BTRC: variants seen among roughly 807,000 people sequenced by gnomAD.
BTRC encodes the protein beta-transducin repeat containing E3 ubiquitin protein ligase, also known as F-box/WD repeat-containing protein 1A.
In BTRC, 42 loss-of-function variants were observed where a neutral mutation model predicts 85.5. The ratio of observed to expected loss-of-function variants is 0.49; its 90% CI spans 0.38 to 0.64. The LOEUF (loss-of-function observed/expected upper bound fraction) is 0.64. Ranked by LOEUF, BTRC falls within the 30% of genes least tolerant of loss-of-function variation. BTRC has a pLI of 0.00. For missense variants in BTRC, 594 were observed against 743.5 expected, an observed-to-expected ratio of 0.80 and a Z score of 2.34; for synonymous variants, 255 against 263.3, an observed-to-expected ratio of 0.97 and a Z score of 0.30.
At chr10:101,532,514 A>T (rs2062300478) in intron 8 of BTRC, 82 bp downstream of exon 8, 2 of 1,424,522 alleles carry the variant, frequency 1.4e-6, no homozygotes. Flanking sequence ...CATAAACTCT[A>T]AGCATTATTT....
At chr10:101,478,481 A>AT (rs776643514) in intron 3 of BTRC, among the ~76,000 whole-genome samples, 9 of 151,100 alleles carry the variant, frequency 6.0e-5, no homozygotes, top group Non-Finnish European at 1.2e-4. Context: ...AAATTTTTTC[A>AT]TTTATTGTTC....
intron 1 of BTRC, among the ~76,000 whole-genome samples, chr10:101,378,777 G>A (rs1237097764): frequency 3.6e-5 from 5 of 138,090 alleles, no homozygotes; most frequent in South Asian, 2.2e-4. Context: ...CGCCCACTTC[G>A]GCCTCCCAAA....
chr10:101,532,465 A>C, intron 8 of BTRC, 33 bp downstream of exon 8: 1 of 1,569,184 alleles, frequency 6.4e-7, no homozygotes, highest in Non-Finnish European at 8.6e-7. Flanking sequence ...AAGGTAGCAG[A>C]GGGAGCAAGA....
chr10:101,410,340 C>T (rs183864636), intron 1 of BTRC, among the ~76,000 whole-genome samples: 3 of 152,100 alleles, frequency 2.0e-5, no homozygotes, highest in East Asian at 1.9e-4. Context: ...ACCCTGGCTG[C>T]GCAGGGTGGC....
At chr10:101,470,121 T>C (rs1589511309) in intron 3 of BTRC, among the ~76,000 whole-genome samples, 3 of 152,328 alleles carry the variant, frequency 2.0e-5, no homozygotes, top group Admixed American at 1.3e-4. Flanking sequence ...GAAGTATCTT[T>C]TAAGTTTTTA....
intron 1 of BTRC, among the ~76,000 whole-genome samples, chr10:101,427,888 A>T (rs1564765924): frequency 6.6e-6 from 1 of 152,238 alleles, no homozygotes. Context: ...AAATGATTAA[A>T]ATATTAGCCT....
At position 101,536,525 on chromosome 10, in the gene BTRC, CTTA is replaced by C; in HGVS notation, c.1467-17_1467-15del. On this transcript the variant is annotated splice_polypyrimidine_tract_variant and intron_variant, in intron 11 of 14. Coordinates refer to ENST00000370187, the MANE Select transcript of BTRC (RefSeq NM_033637.4). The stretch of plus-strand genomic sequence containing the variant: ...AAAGAATACGTGAAAATTCACCTGA[CTTA>C]ATTTTCTCTTCCAGATTATGGGACA... 2 of 1,574,788 alleles carry C rather than the reference CTTA, an allele frequency of 1.3e-6. No homozygotes were observed. Among genetic ancestry groups the C allele is most frequent in the East Asian group, 4.5e-5 (2 of 44,638 alleles).
At chr10:101,551,030 C>A (rs2062641836) in intron 14 of BTRC, 139 bp downstream of exon 14, 1 of 756,338 alleles carries the variant, frequency 1.3e-6, no homozygotes, top group African/African-American at 1.8e-5. Flanking sequence ...CAATGTGAGA[C>A]AGGGCTGAAG....
intron 2 of BTRC, among the ~76,000 whole-genome samples, chr10:101,460,376 C>G (rs1249138270): frequency 6.6e-6 from 1 of 152,188 alleles, no homozygotes; most frequent in Non-Finnish European, 1.5e-5. Context: ...TTATATCCTT[C>G]CTCCATTTTT....
chr10:101,405,811 C>T lies in BTRC; in HGVS notation c.49-24534C>T, dbSNP rs927980671. Among the ~76,000 whole-genome samples, 16 of 152,184 alleles carry T rather than the reference C, an allele frequency of 1.1e-4. 1 individual carries two copies. The highest frequency in any genetic ancestry group is 9.8e-4 in the Admixed American group (15 of 15,280). ...GATATTGATTTATGCTAGTCAACAA[C>T]ATACACTGCAAGTTCAGTCCTTTGA... On this transcript the variant is annotated intron_variant, in intron 1 of 14. Coordinates refer to ENST00000370187, the MANE Select transcript of BTRC (RefSeq NM_033637.4).
intron 9 of BTRC, among the ~76,000 whole-genome samples, chr10:101,534,420 C>T (rs894709194): frequency 2.0e-5 from 3 of 152,114 alleles, no homozygotes; most frequent in Non-Finnish European, 2.9e-5. Flanking sequence ...TTACAGTCTT[C>T]AAGTCTGGGC....
chr10:101,522,361 AAAAAACAAAAAAAAAC>A lies in BTRC; in HGVS notation c.556+497_556+512del, dbSNP rs1291355477. Among the ~76,000 whole-genome samples, 156 of 68,228 alleles carry A rather than the reference AAAAAACAAAAAAAAAC, an allele frequency of 2.3e-3. 17 individuals are homozygous for A. The highest frequency in any genetic ancestry group is 5.5e-3 in the South Asian group (13 of 2,360). 44.8% of individuals were successfully genotyped at this position (68,228 alleles called of 152,430 possible). On this transcript the variant is annotated intron_variant, in intron 5 of 14. Coordinates refer to ENST00000370187, the MANE Select transcript of BTRC (RefSeq NM_033637.4). ...AGCTGGTATAAAGCTTTAAAAAAAA[AAAAAACAAAAAAAAAC>A]AAAAAAAAAAAAACTCTAGAAATAA...
intron 1 of BTRC, among the ~76,000 whole-genome samples, chr10:101,375,607 A>T (rs1001481468): frequency 1.4e-4 from 21 of 152,252 alleles, no homozygotes; most frequent in Admixed American, 3.9e-4. Context: ...TACTAGAAAC[A>T]GGTAGCAAAG....
chr10:101,439,597 C>T (rs1944627456), intron 2 of BTRC, among the ~76,000 whole-genome samples: 1 of 152,204 alleles, frequency 6.6e-6, no homozygotes, highest in Admixed American at 6.5e-5. Flanking sequence ...GCAGTTCATT[C>T]CTTTCTCCCC....
intron 5 of BTRC, among the ~76,000 whole-genome samples, chr10:101,523,428 T>C (rs975529781): frequency 4.6e-5 from 7 of 152,120 alleles, no homozygotes; most frequent in African/African-American, 7.2e-5. Context: ...GGGGGAATGC[T>C]ATTTCAGGAA....
chr10:101,406,145 T>A (rs1376687468), intron 1 of BTRC, among the ~76,000 whole-genome samples: 1 of 152,118 alleles, frequency 6.6e-6, no homozygotes, highest in Non-Finnish European at 1.5e-5. Flanking sequence ...AACCTTTTTA[T>A]AATTATGAAA....
chr10:101,518,361 C>T (rs1167581782), intron 4 of BTRC, among the ~76,000 whole-genome samples: 2 of 152,264 alleles, frequency 1.3e-5, no homozygotes, highest in East Asian at 3.9e-4. Context: ...GGCTTCTCAT[C>T]CTCCATACCT....
intron 1 of BTRC, 60 bp downstream of exon 1, chr10:101,354,288 C>T (rs541170838): frequency 6.5e-7 from 1 of 1,531,532 alleles, no homozygotes; most frequent in Admixed American, 2.0e-5. Context: ...GCGTCGCTGG[C>T]CTGGGCCGCC....
chr10:101,397,664 G>A (rs1943397440), intron 1 of BTRC, among the ~76,000 whole-genome samples: 1 of 151,884 alleles, frequency 6.6e-6, no homozygotes, highest in Non-Finnish European at 1.5e-5. Flanking sequence ...TAAAAAATAG[G>A]GTGTTTTCCT....
Sources: allele counts gnomAD v4.1 joint callset (sites outside exome capture counted in the v4.1 genomes callset), GRCh38; gene constraint gnomAD v4.1.1; transcripts MANE v1.5; gene names NCBI Gene and HGNC (gene_info 2026-07-23, HGNC 2026-07-21).